ZCCHC10: variants seen among roughly 807,000 people sequenced by gnomAD.
ZCCHC10 encodes zinc finger CCHC-type containing 10, also known as zinc finger CCHC domain-containing protein 10.
Under a neutral mutation model 19.5 loss-of-function variants are expected in ZCCHC10, and 16 were observed. That is an observed-to-expected ratio of 0.82 (90% confidence interval 0.56 to 1.25). The LOEUF is 1.25. ZCCHC10 is among the 50% of genes most tolerant of loss of function. ZCCHC10 has a pLI of 0.00. For missense variants in ZCCHC10, 197 were observed against 201.0 expected (o/e 0.98, Z 0.12); for synonymous variants, 67 against 72.5 (o/e 0.92, Z 0.38).
intron 2 of ZCCHC10, among the ~76,000 whole-genome samples, chr5:133,022,395 T>C (rs536171173): frequency 1.3e-5 from 2 of 152,182 alleles, no homozygotes; most frequent in East Asian, 1.9e-4. Context: ...GGATCTGTTA[T>C]GTGGTGCATG....
intron 3 of ZCCHC10, 28 bp from the exon 4 acceptor site, chr5:133,000,201 C>T (rs755322548): frequency 6.2e-7 from 1 of 1,613,316 alleles, no homozygotes; most frequent in Non-Finnish European, 8.5e-7. Context: ...GAAAAAAGCT[C>T]CTGTTAATAG....
At chr5:133,000,204 G>GT in intron 3 of ZCCHC10, 31 bp from the exon 4 acceptor site, 1 of 1,612,872 alleles carries the variant, frequency 6.2e-7, no homozygotes, top group South Asian at 1.1e-5. Context: ...AAAAGCTCCT[G>GT]TTAATAGAGT....
rs1310610362 is a variant in ZCCHC10, at chr5:132,998,820, AC to A, written c.341del (p.Ser114IlefsTer88). ...RSKSVTSSSS[S>X]SSDSSASDSS... The stretch of plus-strand genomic sequence containing the variant: ...AATCACTGGCAGAACTGTCACTGCT[AC>A]TGCTACTGGAACTGGTTACACTCTT... On this transcript the variant is annotated frameshift_variant, in exon 5 of 5. Transcript: ENST00000509437. LOFTEE classifies it high-confidence loss of function. 1 of 1,614,086 alleles carries A rather than the reference AC, an allele frequency of 6.2e-7. No individual in the cohort carries two copies. The highest frequency in any genetic ancestry group is 8.5e-7 in the Non-Finnish European group (1 of 1,180,040).
At position 133,024,003 on chromosome 5, in the gene ZCCHC10, T is replaced by C. The variant is rs181592763; in HGVS notation, c.42-1097A>G. ...CTGAATCCCTTGGAGACTTACACTC[T>C]GTATACCACAACACTTTTTATAATA... On this transcript the variant is annotated intron_variant, in intron 1 of 4. Transcript: ENST00000509437. Among the ~76,000 whole-genome samples the C allele has an allele frequency of 6.6e-5, 10 of 152,302 alleles. No homozygotes were observed. The East Asian group carries it at 1.9e-3, about 29-fold the overall frequency.
In ZCCHC10 at chr5:133,022,870, C is replaced by A; in HGVS notation, c.78G>T (p.Trp26Cys). ...TAACGATGGATGGCTGAATCAGGAT[C>A]CAAAAGGTCTTGACAGGCTGCAACT... ...DTELQPVKTF[W>C]ILIQPSIVIS... Residue 26 changes from tryptophan (W) to cysteine (C), a missense_variant, in exon 2 of 5, where the codon TGG becomes TGT. Transcript: ENST00000509437. The A allele has an allele frequency of 1.6e-6, 1 of 613,674 alleles. No individual in the cohort carries two copies. The highest frequency in any genetic ancestry group is 1.9e-5 in the South Asian group (1 of 52,280). The allele number at this position is 613,674 out of a possible 1,614,324, so 38.0% of individuals were successfully genotyped here.
At position 132,997,152 on chromosome 5, in the gene ZCCHC10, GATA is replaced by G. The variant is rs1275929034; in HGVS notation, c.*1428_*1430del. On this transcript the variant is annotated 3_prime_UTR_variant, in exon 5 of 5. Transcript: ENST00000509437. ...AATTTATTAACTCTATCTGTCAAGT[GATA>G]ATATTCTGTAGGCAGCCTTTGAAAT... 6.6e-5 allele frequency: 10 copies of G among 152,164 alleles called. No individual in the cohort carries two copies. The highest frequency in any genetic ancestry group is 1.0e-4 in the Non-Finnish European group (7 of 68,042). 9.4% of individuals were successfully genotyped at this position (152,164 alleles called of 1,614,324 possible). A position where few individuals can be genotyped will look rare whatever the true frequency, so the allele number is the denominator to read the frequency against.
rs201562138 is a variant in ZCCHC10, at chr5:133,026,508, G to A, written c.30C>T (p.Ala10=). The A allele has an allele frequency of 4.0e-4, 640 of 1,613,792 alleles. 5 individuals are homozygous for A. The highest frequency in any genetic ancestry group is 1.5e-4 in the Admixed American group (9 of 59,980). Residue 10 remains alanine (A), a synonymous_variant, in exon 1 of 5, where the codon GCC becomes GCT. Coordinates refer to ENST00000509437, the MANE Select transcript of ZCCHC10 (RefSeq NM_001300816.3). ...GGATCCTTACTTACGCTTGTCTCCG[G>A]GCTATTAGCCGATGCATGGGAGTCG... The part of the protein sequence containing the change: MATPMHRLI[A]RRQAFDTELQ...
At chr5:133,024,729 C>T (rs1014047069) in intron 1 of ZCCHC10, among the ~76,000 whole-genome samples, 1 of 152,080 alleles carries the variant, frequency 6.6e-6, no homozygotes, top group Non-Finnish European at 1.5e-5. Context: ...TGGTGAAACC[C>T]CGTCTCTACT....
chr5:133,000,855 C>G (rs1000441185), intron 3 of ZCCHC10, among the ~76,000 whole-genome samples: 15 of 151,694 alleles, frequency 9.9e-5, no homozygotes, highest in African/African-American at 3.6e-4. Context: ...ACTGGCCAGG[C>G]TGGTCTCAAA....
rs200108462 is a variant in ZCCHC10, at chr5:132,998,911, A to C, written c.312-61T>G. 4.0e-5 allele frequency: 62 copies of C among 1,566,732 alleles called. 1 individual carries two copies. Among genetic ancestry groups the C allele is most frequent in the Admixed American group, 1.9e-4 (10 of 52,302 alleles). On this transcript the variant is annotated intron_variant, in intron 4 of 4. Transcript: ENST00000509437. ...TGACATGTAATAGAATGTTAAAAGC[A>C]ATTTCATTTTTTTTTTCTTTTCGAG...
intron 2 of ZCCHC10, chr5:133,011,476 T>A (rs1187580507): frequency 1.3e-5 from 2 of 151,406 alleles, no homozygotes; most frequent in Admixed American, 6.6e-5. Flanking sequence ...TACAAAAAAA[T>A]TTAGCTGCGT....
rs1762518035 is a variant in ZCCHC10 at position 132,997,787 on chromosome 5, T to A, written c.*796A>T. ...TTTGAATGGTACCTTTTATTGCATG[T>A]TAATACACAAAGATATTTCTAGCAC... On this transcript the variant is annotated 3_prime_UTR_variant, in exon 5 of 5. Coordinates refer to ENST00000509437, the MANE Select transcript of ZCCHC10 (RefSeq NM_001300816.3). The A allele has an allele frequency of 6.6e-6, 1 of 152,184 alleles. No homozygotes were observed. Among genetic ancestry groups the A allele is most frequent in the Non-Finnish European group, 1.5e-5 (1 of 68,020 alleles). 9.4% of individuals were successfully genotyped at this position (152,184 alleles called of 1,614,324 possible).
chr5:133,014,599 G>A (rs927603401), intron 2 of ZCCHC10, among the ~76,000 whole-genome samples: 6 of 152,182 alleles, frequency 3.9e-5, no homozygotes, highest in South Asian at 2.1e-4. Context: ...CCTCAGTCAC[G>A]TCTTGCTTTT....
intron 2 of ZCCHC10, among the ~76,000 whole-genome samples, chr5:133,007,435 C>G (rs1020729871): frequency 2.6e-5 from 4 of 151,508 alleles, no homozygotes; most frequent in Non-Finnish European, 5.9e-5. Flanking sequence ...CCCAGCTACT[C>G]AGGAGGCTGA....
chr5:133,003,125 G>A (rs1191945785), intron 3 of ZCCHC10: 6 of 301,744 alleles, frequency 2.0e-5, no homozygotes, highest in Middle Eastern at 8.2e-4. Flanking sequence ...AACATTCTCC[G>A]CCAGATCATG....
intron 2 of ZCCHC10, among the ~76,000 whole-genome samples, chr5:133,016,104 A>G (rs1027345325): frequency 5.9e-5 from 9 of 152,162 alleles, no homozygotes; most frequent in Non-Finnish European, 1.2e-4. Context: ...TTTCTGGTAC[A>G]ACAACAAAAA....
At chr5:133,022,385 G>A (rs1458958223) in intron 2 of ZCCHC10, among the ~76,000 whole-genome samples, 2 of 151,876 alleles carry the variant, frequency 1.3e-5, no homozygotes, top group East Asian at 1.9e-4. Context: ...TTAATATATG[G>A]GATCTGTTAT....
At chr5:133,012,149 AAAAAAAG>A (rs1343806094) in intron 2 of ZCCHC10, among the ~76,000 whole-genome samples, 17 of 137,982 alleles carry the variant, frequency 1.2e-4, no homozygotes, top group Admixed American at 2.4e-4. Context: ...AAAAAAAAAA[AAAAAAAG>A]AAAGAAAGAA....
chr5:133,011,624 TAAAAA>T (rs1194165056), intron 2 of ZCCHC10, among the ~76,000 whole-genome samples: 64 of 44,806 alleles, frequency 1.4e-3, no homozygotes, highest in African/African-American at 5.4e-3. Context: ...AGACTCCATC[TAAAAA>T]AAAAAAAAAA....
Sources: gnomAD v4.1 joint callset for allele counts (sites outside exome capture counted in the v4.1 genomes callset) on GRCh38, gnomAD v4.1.1 for gene constraint, MANE v1.5 for transcripts, NCBI Gene and HGNC (gene_info 2026-07-23, HGNC 2026-07-21) for gene names.